The following NMBR variants were observed in gnomAD, a reference collection of about 807,000 sequenced individuals.
The protein encoded by NMBR is neuromedin-B receptor.
In NMBR, 16 loss-of-function variants were observed where a neutral mutation model predicts 20.5. That is an observed-to-expected ratio of 0.78 (90% CI 0.53 to 1.19). The LOEUF is 1.19. Among genes scored for constraint, NMBR ranks in the 50% most tolerant of loss-of-function variants. NMBR has a pLI of 0.00. For synonymous variants in NMBR, 212 were observed against 196.6 expected, an observed-to-expected ratio of 1.08 and a Z score of -0.65; for missense variants, 582 against 499.1, an observed-to-expected ratio of 1.17 and a Z score of -1.58.
chr6:142,135,128 C>A (rs1051409016), intron 1 of NMBR: 1 of 287,966 alleles, frequency 3.5e-6, no homozygotes, highest in African/African-American at 2.2e-5. Context: ...AAAATATACA[C>A]AGAACTACTG....
At chr6:142,120,122 G>T (rs948215176) in intron 1 of NMBR, among the ~76,000 whole-genome samples, 7 of 151,894 alleles carry the variant, frequency 4.6e-5, no homozygotes, top group Admixed American at 2.0e-4. Flanking sequence ...CAGTTTAAGA[G>T]ACTTTTGTGT....
chr6:142,139,162 C>A (rs1216142827), intron 1 of NMBR, among the ~76,000 whole-genome samples: 1 of 152,142 alleles, frequency 6.6e-6, no homozygotes, highest in Non-Finnish European at 1.5e-5. Flanking sequence ...GGCAAAAGGA[C>A]CTTCTTCTGG....
In NMBR at chr6:142,135,136, CT is replaced by C. The variant is rs145400233; in HGVS notation, c.-664+11907del. The C allele has an allele frequency of 2.7e-3, 717 of 264,728 alleles. 19 individuals are homozygous for C. In the East Asian group the frequency reaches 0.046, roughly 17 times the overall value. 16.4% of individuals were successfully genotyped at this position (264,728 alleles called of 1,614,324 possible). On this transcript the variant is annotated intron_variant, in intron 1 of 3. Coordinates refer to ENST00000258042, the MANE Select transcript of NMBR (RefSeq NM_002511.4). Reference sequence around the variant, plus strand: ...TTATTAGAAAATATACACAGAACTACTGTTAATTTATTTTTAAACAGTGCTT... The same window carrying C: ...TTATTAGAAAATATACACAGAACTACGTTAATTTATTTTTAAACAGTGCTT...
chr6:142,088,238 T>A lies in NMBR; in HGVS notation c.421A>T (p.Arg141Trp). Residue 141 changes from arginine to tryptophan, a missense_variant and splice_region_variant, in exon 2 of 4, where the codon AGG becomes TGG. Arg to Trp is a moderately radical substitution (Grantham distance 101). Coordinates refer to ENST00000258042, the MANE Select transcript of NMBR (RefSeq NM_002511.4). ...ACTCACAGCTACCTGTGCTCTTACC[T>A]GTCGGCGCTGAGGGCAGTGAGAGTG... is the stretch of plus-strand genomic sequence containing the variant. ...VFTLTALSAD[R>W]YRAIVNPMDM... 1 of 1,609,732 alleles carries A rather than the reference T, an allele frequency of 6.2e-7. No homozygotes were observed. The highest frequency in any genetic ancestry group is 8.5e-7 in the Non-Finnish European group (1 of 1,179,484).
At chr6:142,102,530 A>C (rs1376811469) in intron 1 of NMBR, among the ~76,000 whole-genome samples, 2 of 152,176 alleles carry the variant, frequency 1.3e-5, no homozygotes, top group Non-Finnish European at 2.9e-5. Flanking sequence ...ACTTCTGTTT[A>C]GCCAGTAAGT....
At chr6:142,112,139 C>A (rs1004958760) in intron 1 of NMBR, among the ~76,000 whole-genome samples, 1 of 151,998 alleles carries the variant, frequency 6.6e-6, no homozygotes, top group Non-Finnish European at 1.5e-5. Context: ...CCAGCATGGG[C>A]AAAATGAAAA....
intron 3 of NMBR, among the ~76,000 whole-genome samples, chr6:142,077,698 C>T (rs549876008): frequency 6.6e-6 from 1 of 152,256 alleles, no homozygotes; most frequent in South Asian, 2.1e-4. Flanking sequence ...AATGCTCCAT[C>T]TATGTTCTAG....
intron 1 of NMBR, among the ~76,000 whole-genome samples, chr6:142,131,530 A>C (rs1778142321): frequency 6.6e-6 from 1 of 152,106 alleles, no homozygotes; most frequent in Non-Finnish European, 1.5e-5. Flanking sequence ...ACAGGTTGTC[A>C]CTCCAATATA....
At position 142,075,739 on chromosome 6, in the gene NMBR, C is replaced by T. The variant is rs746377006; in HGVS notation, c.1082G>A (p.Arg361His). The change falls in exon 4 of 4, where the codon CGT (arginine) becomes CAT (histidine). Residue 361 changes from arginine (R) to histidine (H), a missense_variant. By Grantham distance (29) the Arg-to-His change is conservative. Coordinates refer to ENST00000258042, the MANE Select transcript of NMBR (RefSeq NM_002511.4). The stretch of plus-strand genomic sequence containing the variant: ...AGCATTGCTTTTCAGAGATGTCATA[C>T]GCACCGCTGAAGAGCTGAGTAGGTA... ...TSYLLSSSAV[R>H]MTSLKSNAKN... The T allele has an allele frequency of 2.0e-5, 32 of 1,613,824 alleles. 1 individual carries two copies. Among genetic ancestry groups the T allele is most frequent in the South Asian group, 1.2e-4 (11 of 91,082 alleles).
chr6:142,113,776 T>G (rs1777809378), intron 1 of NMBR, among the ~76,000 whole-genome samples: 1 of 151,412 alleles, frequency 6.6e-6, no homozygotes, highest in South Asian at 2.1e-4. Context: ...TACAGATATT[T>G]ATTTACAGAT....
chr6:142,100,687 G>A (rs1777543660), intron 1 of NMBR, among the ~76,000 whole-genome samples: 1 of 152,298 alleles, frequency 6.6e-6, no homozygotes, highest in Non-Finnish European at 1.5e-5. Context: ...GAACTCTAAT[G>A]TAATCTATGA....
chr6:142,136,416 T>C (rs1778254395), intron 1 of NMBR, among the ~76,000 whole-genome samples: 2 of 152,198 alleles, frequency 1.3e-5, no homozygotes, highest in Non-Finnish European at 2.9e-5. Context: ...GATGAGTAGG[T>C]TGTGAAAATT....
intron 1 of NMBR, among the ~76,000 whole-genome samples, chr6:142,135,570 G>A (rs1778238702): frequency 6.6e-6 from 1 of 151,260 alleles, no homozygotes; most frequent in Non-Finnish European, 1.5e-5. Flanking sequence ...ATGTATACAT[G>A]TGCCATGCTG....
intron 1 of NMBR, among the ~76,000 whole-genome samples, chr6:142,100,732 TA>T (rs1229736363): frequency 6.6e-6 from 1 of 152,206 alleles, no homozygotes; most frequent in African/African-American, 2.4e-5. Flanking sequence ...TAGGTTCAAA[TA>T]ATTGTAACAA....
At chr6:142,128,558 T>C (rs774077062) in intron 1 of NMBR, among the ~76,000 whole-genome samples, 19 of 152,078 alleles carry the variant, frequency 1.2e-4, no homozygotes, top group South Asian at 8.3e-4. Flanking sequence ...GCCTAATTAG[T>C]TGAAAGGTTT....
At chr6:142,139,171 G>A (rs1778321978) in intron 1 of NMBR, among the ~76,000 whole-genome samples, 1 of 152,116 alleles carries the variant, frequency 6.6e-6, no homozygotes, top group Non-Finnish European at 1.5e-5. Flanking sequence ...ACCTTCTTCT[G>A]GTTTGCCTCT....
chr6:142,139,508 C>T (rs225614), intron 1 of NMBR, among the ~76,000 whole-genome samples: 51,674 of 152,112 alleles, frequency 0.34, 10,406 homozygotes, highest in Middle Eastern at 0.52. Flanking sequence ...CTGGAGCTCT[C>T]TCGCTTTTCC....
At chr6:142,076,299 C>T (rs780571783) in intron 3 of NMBR, among the ~76,000 whole-genome samples, 1 of 152,086 alleles carries the variant, frequency 6.6e-6, no homozygotes, top group Non-Finnish European at 1.5e-5. Flanking sequence ...TTACTAAATG[C>T]TGTCTTCATA....
At chr6:142,098,963 A>G (rs1188995641) in intron 1 of NMBR, among the ~76,000 whole-genome samples, 2 of 152,206 alleles carry the variant, frequency 1.3e-5, no homozygotes, top group African/African-American at 4.8e-5. Flanking sequence ...ATAGACAAAT[A>G]GATCAATGGA....
Sources: allele counts gnomAD v4.1 joint callset (sites outside exome capture counted in the v4.1 genomes callset), GRCh38; gene constraint gnomAD v4.1.1; transcripts MANE v1.5; gene names NCBI Gene and HGNC (gene_info 2026-07-23, HGNC 2026-07-21).